Variants in PDZD2 observed in about 807,000 individuals in gnomAD.
PDZD2 encodes PDZ domain containing 2.
In PDZD2, 90 loss-of-function variants were observed where a neutral mutation model predicts 220.7. The observed-to-expected ratio is 0.41, with a 90% CI of 0.34 to 0.49. The LOEUF (loss-of-function observed/expected upper bound fraction) is 0.49, where lower values mean the gene tolerates loss of function less well. Among genes scored for constraint, PDZD2 ranks in the 20% least tolerant of loss-of-function variants. The pLI, the probability that PDZD2 is intolerant of heterozygous loss-of-function variation, is 0.28. For synonymous variants in PDZD2, 1,375 were observed against 1,450.5 expected (o/e 0.95, Z 1.18); for missense variants, 3,174 against 3,608.5 (o/e 0.88, Z 3.08).
rs1167478784 is a variant in PDZD2, at chr5:32,110,549, A to C, written c.*2414A>C. 1 of 152,632 alleles carries C rather than the reference A, an allele frequency of 6.6e-6. No individual in the cohort carries two copies. The highest frequency in any genetic ancestry group is 2.4e-5 in the African/African-American group (1 of 41,452). The allele number at this position is 152,632 out of a possible 1,614,324, so 9.5% of individuals were successfully genotyped here. ...GAACACTAATGGTATTGTCCTACTA[A>C]AACTGTCATTGTTTCTTTTTTTTTA... On this transcript the variant is annotated 3_prime_UTR_variant, in exon 25 of 25. Coordinates refer to ENST00000438447, the MANE Select transcript of PDZD2 (RefSeq NM_178140.4).
At position 31,875,170 on chromosome 5, in the gene PDZD2, A is replaced by G. The variant is rs542810148; in HGVS notation, c.476+75446A>G. Reference sequence around the variant, plus strand: ...CTGTTTTGTTTTAAGAAAATTCTCTACATCCTCTATATCTTTCTTCCAGTA... The same window carrying G: ...CTGTTTTGTTTTAAGAAAATTCTCTGCATCCTCTATATCTTTCTTCCAGTA... On this transcript the variant is annotated intron_variant, in intron 2 of 24. Coordinates refer to ENST00000438447, the MANE Select transcript of PDZD2 (RefSeq NM_178140.4). Among the ~76,000 whole-genome samples, 279 of 152,266 alleles carry G rather than the reference A, an allele frequency of 1.8e-3. 1 individual carries two copies. The highest frequency in any genetic ancestry group is 1.6e-3 in the Non-Finnish European group (112 of 68,014).
chr5:31,823,399 C>T (rs567208016), intron 2 of PDZD2, among the ~76,000 whole-genome samples: 23 of 152,124 alleles, frequency 1.5e-4, no homozygotes, highest in Middle Eastern at 6.8e-3. Context: ...ACCCAGGAGG[C>T]GGAGGTTGCA....
intron 5 of PDZD2, among the ~76,000 whole-genome samples, chr5:32,008,989 G>T (rs1450350628): frequency 2.0e-5 from 3 of 152,086 alleles, no homozygotes; most frequent in Non-Finnish European, 4.4e-5. Flanking sequence ...CATCAGAGTG[G>T]GTTGGTGGGG....
rs571573869 is a variant in PDZD2, at chr5:31,827,875, A to C, written c.476+28151A>C. On this transcript the variant is annotated intron_variant, in intron 2 of 24. Coordinates refer to ENST00000438447, the MANE Select transcript of PDZD2 (RefSeq NM_178140.4). ...CCTTCCAAAAAGAAGACACATACCT[A>C]TTACAGGGATTCTCCATACTCCGCT... Among the ~76,000 whole-genome samples the C allele has an allele frequency of 8.2e-4, 125 of 152,156 alleles. 5 individuals are homozygous for C. The South Asian group carries it at 0.025, about 30-fold the overall frequency.
chr5:31,722,251 C>T (rs1748852499), intron 1 of PDZD2, among the ~76,000 whole-genome samples: 1 of 152,166 alleles, frequency 6.6e-6, no homozygotes, highest in Non-Finnish European at 1.5e-5. Flanking sequence ...CAGCCCCTCA[C>T]CACACCGCAC....
At chr5:31,815,586 G>A (rs575483920) in intron 2 of PDZD2, among the ~76,000 whole-genome samples, 1 of 152,222 alleles carries the variant, frequency 6.6e-6, no homozygotes, top group East Asian at 1.9e-4. Flanking sequence ...GTTAACGCTG[G>A]TCTGTTGTGC....
intron 2 of PDZD2, among the ~76,000 whole-genome samples, chr5:31,972,975 A>G (rs1272676695): frequency 2.0e-5 from 3 of 152,262 alleles, no homozygotes; most frequent in African/African-American, 7.2e-5. Flanking sequence ...ACTGGCAAAT[A>G]GAAGCCTAGA....
intron 1 of PDZD2, among the ~76,000 whole-genome samples, chr5:31,652,199 C>T (rs1435581364): frequency 6.6e-6 from 1 of 151,564 alleles, no homozygotes; most frequent in Admixed American, 6.6e-5. Context: ...TGCCATGTTA[C>T]CCAGGCTGGT....
chr5:31,991,405 G>A (rs1408689920), intron 3 of PDZD2, among the ~76,000 whole-genome samples: 1 of 152,172 alleles, frequency 6.6e-6, no homozygotes, highest in Non-Finnish European at 1.5e-5. Flanking sequence ...GGTGCTCGTG[G>A]TTCAGATGTG....
intron 2 of PDZD2, among the ~76,000 whole-genome samples, chr5:31,869,939 G>A (rs564256670): frequency 9.2e-5 from 14 of 152,210 alleles, no homozygotes; most frequent in East Asian, 7.7e-4. Flanking sequence ...GAGCCTCTCC[G>A]GCGATACTCT....
At chr5:32,105,911 G>T (rs575377497) in intron 24 of PDZD2, among the ~76,000 whole-genome samples, 1 of 152,218 alleles carries the variant, frequency 6.6e-6, no homozygotes, top group African/African-American at 2.4e-5. Flanking sequence ...CCAAAAGCTG[G>T]CAAACCTCTG....
At chr5:32,070,753 T>A (rs1740662395) in intron 15 of PDZD2, among the ~76,000 whole-genome samples, 1 of 152,246 alleles carries the variant, frequency 6.6e-6, no homozygotes. Flanking sequence ...CCCGGCACTT[T>A]GGGAGGCCAA....
chr5:31,855,085 G>A, intron 2 of PDZD2: 1 of 985,452 alleles, frequency 1.0e-6, no homozygotes, highest in Non-Finnish European at 1.2e-6. Context: ...CTGGCGAGCG[G>A]ATTACCCGGC....
Position 32,058,179 on chromosome 5 carries a change from C to G in PDZD2, c.2200+76C>G, listed in dbSNP as rs1739289523. 3.9e-6 allele frequency: 3 copies of G among 776,048 alleles called. No homozygotes were observed. The East Asian group carries it at 7.7e-5, about 20-fold the overall frequency. 48.1% of individuals were successfully genotyped at this position (776,048 alleles called of 1,614,324 possible). A position where few individuals can be genotyped will look rare whatever the true frequency, so the allele number is the denominator to read the frequency against. The stretch of plus-strand genomic sequence containing the variant: ...GAATCTGTTGTTAGCTTAATTCTTC[C>G]TTGTTGTTCTATGAATTATTCCTTT... On this transcript the variant is annotated intron_variant, in intron 12 of 24. Coordinates refer to ENST00000438447, the MANE Select transcript of PDZD2 (RefSeq NM_178140.4).
At chr5:31,994,892 A>G (rs1751510822) in intron 3 of PDZD2, among the ~76,000 whole-genome samples, 2 of 152,260 alleles carry the variant, frequency 1.3e-5, no homozygotes. Flanking sequence ...ACCTATTTGC[A>G]CAAATGTCTC....
At chr5:31,710,364 A>G (rs764577651) in intron 1 of PDZD2, among the ~76,000 whole-genome samples, 1 of 152,196 alleles carries the variant, frequency 6.6e-6, no homozygotes, top group Admixed American at 6.5e-5. Flanking sequence ...GTGGTATTAA[A>G]TAAAGTTTCA....
chr5:32,006,762 T>G (rs576767392), intron 5 of PDZD2, among the ~76,000 whole-genome samples: 1 of 145,058 alleles, frequency 6.9e-6, no homozygotes, highest in African/African-American at 2.6e-5. Flanking sequence ...CAATCTTGGC[T>G]CACTGCGACC....
intron 1 of PDZD2, among the ~76,000 whole-genome samples, chr5:31,702,110 G>C (rs1421497399): frequency 6.6e-6 from 1 of 152,160 alleles, no homozygotes; most frequent in Non-Finnish European, 1.5e-5. Flanking sequence ...CCCAACCCTG[G>C]CTCATTTGTT....
chr5:31,664,162 AGTTTT>A (rs750571014), intron 1 of PDZD2, among the ~76,000 whole-genome samples: 3 of 152,006 alleles, frequency 2.0e-5, no homozygotes, highest in African/African-American at 2.4e-5. Context: ...TAAACCTCCA[AGTTTT>A]GTTTTGTTTT....
Sources: allele counts gnomAD v4.1 joint callset (sites outside exome capture counted in the v4.1 genomes callset), GRCh38; gene constraint gnomAD v4.1.1; transcripts MANE v1.5; gene names NCBI Gene and HGNC (gene_info 2026-07-23, HGNC 2026-07-21).